The following SBF2 variants were observed in gnomAD, a reference collection of about 807,000 sequenced individuals.
SBF2 encodes the protein SET binding factor 2.
In SBF2, 112 loss-of-function variants were observed where a neutral mutation model predicts 225.2. The observed-to-expected ratio is 0.50, with a 90% confidence interval of 0.43 to 0.58. The LOEUF (loss-of-function observed/expected upper bound fraction) is 0.58. SBF2 is among the 20% of genes least tolerant of loss of function. The pLI is 0.00. For synonymous variants in SBF2, 763 were observed against 773.3 expected, an observed-to-expected ratio of 0.99 and a Z score of 0.22; for missense variants, 1,996 against 2,206.2, an observed-to-expected ratio of 0.90 and a Z score of 1.91.
At chr11:9,946,524 C>T (rs1302761671) in intron 16 of SBF2, among the ~76,000 whole-genome samples, 1 of 150,700 alleles carries the variant, frequency 6.6e-6, no homozygotes, top group Non-Finnish European at 1.5e-5. Flanking sequence ...GATCTCGGCT[C>T]ATGGCAAACT....
intron 6 of SBF2, among the ~76,000 whole-genome samples, chr11:10,014,835 T>C (rs930757546): frequency 6.6e-6 from 1 of 152,186 alleles, no homozygotes; most frequent in South Asian, 2.1e-4. Context: ...CCTCAATTAA[T>C]AGTACTGTAC....
chr11:9,836,753 T>C (rs1855756916), intron 26 of SBF2, among the ~76,000 whole-genome samples: 1 of 152,178 alleles, frequency 6.6e-6, no homozygotes, highest in Non-Finnish European at 1.5e-5. Flanking sequence ...TCTTCAATAT[T>C]GTTTTAAGTA....
At chr11:9,887,687 C>G (rs1357561000) in intron 17 of SBF2, among the ~76,000 whole-genome samples, 1 of 152,136 alleles carries the variant, frequency 6.6e-6, no homozygotes, top group East Asian at 1.9e-4. Flanking sequence ...TCAGCCAGCA[C>G]TGATGCTTGT....
intron 1 of SBF2, among the ~76,000 whole-genome samples, chr11:10,199,272 A>G (rs1376146743): frequency 2.0e-5 from 3 of 152,294 alleles, no homozygotes; most frequent in South Asian, 2.1e-4. Flanking sequence ...GAATACATAA[A>G]TCATTTATGG....
intron 1 of SBF2, among the ~76,000 whole-genome samples, chr11:10,304,138 T>C (rs1231835763): frequency 6.6e-6 from 1 of 152,172 alleles, no homozygotes; most frequent in Non-Finnish European, 1.5e-5. Context: ...GAATGTTACC[T>C]TCCTTGCCTG....
intron 6 of SBF2, among the ~76,000 whole-genome samples, chr11:10,023,643 G>A (rs1948941137): frequency 6.6e-6 from 1 of 152,000 alleles, no homozygotes; most frequent in African/African-American, 2.4e-5. Context: ...TTTTGTGCCT[G>A]GTTTCTTTTA....
At chr11:9,785,367 T>TG (rs1852303402) in intron 36 of SBF2, 49 bp from the exon 37 acceptor site, 6 of 1,393,224 alleles carry the variant, frequency 4.3e-6, no homozygotes, top group Non-Finnish European at 5.1e-6. Context: ...ACACTTAAAC[T>TG]ACTGACTGGA....
intron 23 of SBF2, among the ~76,000 whole-genome samples, chr11:9,846,247 A>C (rs1856540167): frequency 6.6e-6 from 1 of 152,228 alleles, no homozygotes; most frequent in Admixed American, 6.5e-5. Context: ...TGGAGCCTAA[A>C]GATCAGCAGC....
intron 26 of SBF2, among the ~76,000 whole-genome samples, chr11:9,833,831 C>T (rs571949233): frequency 1.5e-3 from 223 of 143,978 alleles, no homozygotes; most frequent in African/African-American, 5.4e-3. Context: ...AGTGCAATGG[C>T]GTGATCTCAG....
intron 16 of SBF2, among the ~76,000 whole-genome samples, chr11:9,913,189 TG>T (rs1222231568): frequency 1.1e-4 from 16 of 152,014 alleles, no homozygotes; most frequent in African/African-American, 3.6e-4. Context: ...GAGGTTGAGG[TG>T]GGAGGACCAT....
At chr11:10,108,515 C>CTTTT (rs34189666) in intron 2 of SBF2, among the ~76,000 whole-genome samples, 6 of 83,464 alleles carry the variant, frequency 7.2e-5, no homozygotes, top group Admixed American at 1.6e-4. Flanking sequence ...TAATAGTTAA[C>CTTTT]TTTTTTTTTT....
intron 2 of SBF2, among the ~76,000 whole-genome samples, chr11:10,140,968 C>A (rs937316172): frequency 6.6e-6 from 1 of 151,624 alleles, no homozygotes; most frequent in African/African-American, 2.4e-5. Flanking sequence ...TAAAGACAAG[C>A]AAATCATGAT....
chr11:10,238,317 G>A (rs574352660), intron 1 of SBF2, among the ~76,000 whole-genome samples: 1 of 152,228 alleles, frequency 6.6e-6, no homozygotes, highest in African/African-American at 2.4e-5. Context: ...GCTGAGGTGG[G>A]AGGACTGCCT....
intron 1 of SBF2, among the ~76,000 whole-genome samples, chr11:10,292,698 A>AAT (rs1282397425): frequency 1.5e-5 from 2 of 137,058 alleles, no homozygotes; most frequent in African/African-American, 5.3e-5. Flanking sequence ...AAAAAAAAAA[A>AAT]TTGTTTAAAA....
chr11:9,861,864 T>C (rs1188769812), intron 17 of SBF2, among the ~76,000 whole-genome samples: 2 of 152,022 alleles, frequency 1.3e-5, no homozygotes, highest in East Asian at 1.9e-4. Context: ...AAACTAAAAG[T>C]TGAATATGCA....
chr11:10,243,479 A>T (rs1485274314), intron 1 of SBF2, among the ~76,000 whole-genome samples: 1 of 151,924 alleles, frequency 6.6e-6, no homozygotes, highest in Non-Finnish European at 1.5e-5. Context: ...ATTAGAGTCA[A>T]AATAAATGAG....
intron 17 of SBF2, among the ~76,000 whole-genome samples, chr11:9,873,747 C>T (rs972899489): frequency 4.6e-5 from 7 of 152,066 alleles, no homozygotes; most frequent in Admixed American, 2.0e-4. Flanking sequence ...AAAGTAAGTC[C>T]CTTGAAAGAG....
At chr11:9,988,061 A>G (rs1947272265) in intron 13 of SBF2, among the ~76,000 whole-genome samples, 1 of 152,144 alleles carries the variant, frequency 6.6e-6, no homozygotes, top group Admixed American at 6.5e-5. Flanking sequence ...GTACTGGTAT[A>G]AAAACATAGA....
chr11:9,954,790 C>T (rs561454933), intron 16 of SBF2, among the ~76,000 whole-genome samples: 1 of 151,976 alleles, frequency 6.6e-6, no homozygotes, highest in African/African-American at 2.4e-5. Context: ...TCTATAAGTG[C>T]CATAATTGTA....
Sources: gnomAD v4.1 joint callset for allele counts (sites outside exome capture counted in the v4.1 genomes callset) on GRCh38, gnomAD v4.1.1 for gene constraint, MANE v1.5 for transcripts, NCBI Gene and HGNC (gene_info 2026-07-23, HGNC 2026-07-21) for gene names.